Variants in KSR1 observed in about 807,000 individuals in gnomAD.
KSR1 encodes kinase suppressor of ras.
KSR1 carries 35 observed loss-of-function variants against 92.9 expected under a neutral mutation model. The observed-to-expected ratio is 0.38, with a 90% CI of 0.29 to 0.50. The LOEUF is 0.50. KSR1 is among the 20% of genes least tolerant of loss of function. KSR1 has a pLI of 0.94. For missense variants in KSR1, 972 were observed against 1,158.5 expected (o/e 0.84, Z 2.34); for synonymous variants, 467 against 472.6 (o/e 0.99, Z 0.15).
chr17:27,528,488 G>A (rs1219834913), intron 1 of KSR1, among the ~76,000 whole-genome samples: 2 of 152,186 alleles, frequency 1.3e-5, no homozygotes. Flanking sequence ...TGTGAGCCCA[G>A]CTCTGTCTAA....
At chr17:27,495,192 A>G (rs949534203) in intron 1 of KSR1, among the ~76,000 whole-genome samples, 2 of 152,194 alleles carry the variant, frequency 1.3e-5, no homozygotes, top group Non-Finnish European at 1.5e-5. Context: ...GAAAGAATGC[A>G]CGCCTCAGTG....
At chr17:27,470,964 G>A (rs747490607) in intron 1 of KSR1, among the ~76,000 whole-genome samples, 3 of 151,898 alleles carry the variant, frequency 2.0e-5, no homozygotes, top group African/African-American at 2.4e-5. Context: ...TCTGCCTCCC[G>A]GGTTCAAGCG....
At chr17:27,526,683 T>C (rs1445427840) in intron 1 of KSR1, 27 of 1,534,168 alleles carry the variant, frequency 1.8e-5, no homozygotes, top group Non-Finnish European at 2.3e-5. Flanking sequence ...TTATTGGCTG[T>C]TATTCTGACA....
chr17:27,539,354 C>T (rs1224356044), intron 1 of KSR1, among the ~76,000 whole-genome samples: 1 of 152,162 alleles, frequency 6.6e-6, no homozygotes, highest in Non-Finnish European at 1.5e-5. Flanking sequence ...ACACCTGTGG[C>T]TCCTGACACC....
intron 2 of KSR1, among the ~76,000 whole-genome samples, chr17:27,568,014 T>G (rs1422279357): frequency 6.6e-6 from 1 of 152,188 alleles, no homozygotes; most frequent in Non-Finnish European, 1.5e-5. Context: ...GTGGCATTGG[T>G]CTCCCCAGCT....
chr17:27,486,489 G>A (rs1261269290), intron 1 of KSR1, among the ~76,000 whole-genome samples: 1 of 152,218 alleles, frequency 6.6e-6, no homozygotes, highest in Non-Finnish European at 1.5e-5. Flanking sequence ...TCTCTGCTGA[G>A]GACACAGGAG....
At chr17:27,550,741 C>T (rs1251537789) in intron 2 of KSR1, 33 bp downstream of exon 2, 1 of 750,420 alleles carries the variant, frequency 1.3e-6, no homozygotes, top group Admixed American at 1.7e-5. Flanking sequence ...TAGGGATAGG[C>T]ATGAGGGGCC....
At chr17:27,495,881 T>A (rs1002408446) in intron 1 of KSR1, among the ~76,000 whole-genome samples, 1 of 152,184 alleles carries the variant, frequency 6.6e-6, no homozygotes, top group African/African-American at 2.4e-5. Flanking sequence ...TTGGTAAAAT[T>A]TGAGTGTTGC....
chr17:27,536,629 T>C (rs968500260), intron 1 of KSR1, among the ~76,000 whole-genome samples: 1 of 152,136 alleles, frequency 6.6e-6, no homozygotes, highest in African/African-American at 2.4e-5. Flanking sequence ...GATGCCTGAG[T>C]GTGGCATTCC....
intron 2 of KSR1, among the ~76,000 whole-genome samples, chr17:27,564,271 G>A (rs572157104): frequency 1.2e-4 from 18 of 152,294 alleles, no homozygotes; most frequent in Admixed American, 6.5e-4. Context: ...GATTATAGGC[G>A]TGAGCCCCCG....
intron 1 of KSR1, among the ~76,000 whole-genome samples, chr17:27,547,071 T>C (rs2071204698): frequency 6.6e-6 from 1 of 152,188 alleles, no homozygotes; most frequent in African/African-American, 2.4e-5. Context: ...GCGCTCCCTC[T>C]CCAGCAGCTG....
chr17:27,601,920 G>A, intron 11 of KSR1: 1 of 1,609,602 alleles, frequency 6.2e-7, no homozygotes, highest in Non-Finnish European at 8.5e-7. Context: ...TGCTGGAAAT[G>A]CCTCCTTATT....
At chr17:27,620,836 T>C (rs542519221) in intron 19 of KSR1, among the ~76,000 whole-genome samples, 11 of 152,142 alleles carry the variant, frequency 7.2e-5, no homozygotes, top group Non-Finnish European at 1.2e-4. Context: ...AAAAACCATA[T>C]AGTCCCACCT....
intron 1 of KSR1, among the ~76,000 whole-genome samples, chr17:27,500,064 T>C (rs964528278): frequency 1.3e-5 from 2 of 152,228 alleles, no homozygotes; most frequent in African/African-American, 4.8e-5. Context: ...TCTGCCGTTC[T>C]GCGTTATGGC....
intron 2 of KSR1, among the ~76,000 whole-genome samples, chr17:27,567,026 C>T (rs905731891): frequency 6.6e-6 from 1 of 152,176 alleles, no homozygotes; most frequent in Non-Finnish European, 1.5e-5. Context: ...GGCCCTGTTA[C>T]TCAGGGCTTG....
At chr17:27,462,597 T>G (rs567250725) in intron 1 of KSR1, among the ~76,000 whole-genome samples, 1 of 152,304 alleles carries the variant, frequency 6.6e-6, no homozygotes, top group South Asian at 2.1e-4. Flanking sequence ...AGAGATCAGT[T>G]TACTCATAAT....
At chr17:27,514,660 CAAAA>C (rs1177388900) in intron 1 of KSR1, among the ~76,000 whole-genome samples, 1 of 92,630 alleles carries the variant, frequency 1.1e-5, no homozygotes, top group Admixed American at 1.2e-4. Flanking sequence ...AACTCCATCT[CAAAA>C]AAAAAAAAAA....
intron 1 of KSR1, among the ~76,000 whole-genome samples, chr17:27,504,931 T>G (rs2150988137): frequency 1.3e-5 from 2 of 152,312 alleles, no homozygotes; most frequent in Middle Eastern, 3.4e-3. Context: ...TCAGTGTTCC[T>G]GTCTATAAAA....
At chr17:27,563,407 C>A (rs186481563) in intron 2 of KSR1, among the ~76,000 whole-genome samples, 70 of 152,262 alleles carry the variant, frequency 4.6e-4, no homozygotes, top group African/African-American at 1.4e-3. Context: ...CAGGTATGCA[C>A]CACTGTGCCC....
Sources: allele counts gnomAD v4.1 joint callset (sites outside exome capture counted in the v4.1 genomes callset), GRCh38; gene constraint gnomAD v4.1.1; transcripts MANE v1.5; gene names NCBI Gene and HGNC (gene_info 2026-07-23, HGNC 2026-07-21).